The following ADPRH variants were observed in gnomAD, a reference collection of about 807,000 sequenced individuals.
The protein encoded by ADPRH is ADP-ribose-L-arginine cleaving enzyme.
ADPRH carries 27 observed loss-of-function variants against 28.8 expected under a neutral mutation model. The observed-to-expected ratio is 0.94, with a 90% CI of 0.69 to 1.29. The LOEUF is 1.29. ADPRH is among the 50% of genes most tolerant of loss of function. ADPRH has a pLI of 0.00. For synonymous variants in ADPRH, 161 were observed against 166.9 expected (o/e 0.96, Z 0.27); for missense variants, 419 against 444.8 (o/e 0.94, Z 0.52).
At chr3:119,584,280 C>T (rs897859136) in intron 3 of ADPRH, among the ~76,000 whole-genome samples, 14 of 151,506 alleles carry the variant, frequency 9.2e-5, no homozygotes, top group Non-Finnish European at 1.6e-4. Flanking sequence ...AAGAAAAATG[C>T]GGCTAGGCAT....
Position 119,586,343 on chromosome 3 carries a change from G to A in ADPRH, c.357G>A (p.Arg119=). ...AGCCGGGCAAGCCCAATGGCTGGAG[G>A]ATTCCCTTCAACAGCCATGAGGGCG... ...QLKPGKPNGW[R]IPFNSHEGGC... Residue 119 remains arginine (R), a synonymous_variant, in exon 4 of 5, where the codon AGG becomes AGA. Transcript: ENST00000357003. 6.2e-7 allele frequency: 1 copy of A among 1,614,138 alleles called. No individual in the cohort carries two copies. The highest frequency in any genetic ancestry group is 1.1e-5 in the South Asian group (1 of 91,076).
At chr3:119,585,311 C>T (rs955237478) in intron 3 of ADPRH, among the ~76,000 whole-genome samples, 22 of 152,296 alleles carry the variant, frequency 1.4e-4, no homozygotes, top group Admixed American at 1.1e-3. Context: ...TTGCTGCCAT[C>T]GCTTGGTTCG....
At chr3:119,583,427 T>G (rs1286655559) in intron 3 of ADPRH, among the ~76,000 whole-genome samples, 1 of 152,190 alleles carries the variant, frequency 6.6e-6, no homozygotes, top group South Asian at 2.1e-4. Flanking sequence ...ATTAGCCTGA[T>G]CATCCCACAT....
intron 3 of ADPRH, among the ~76,000 whole-genome samples, chr3:119,585,736 A>G (rs1401307863): frequency 6.6e-6 from 1 of 152,104 alleles, no homozygotes; most frequent in Non-Finnish European, 1.5e-5. Flanking sequence ...TTTTTAGTAG[A>G]GACGGAGTTT....
Position 119,587,728 on chromosome 3 carries a change from C to T in ADPRH, c.924C>T (p.Ala308=), listed in dbSNP as rs769618336. ...GTGGAGACAGTGATTCTACAGCTGC[C>T]ATTGCTGGCTGCTGGTGGGGAGTTA... ...FHGGDSDSTA[A]IAGCWWGVMY... The change falls in exon 5 of 5, where the codon GCC becomes GCT. Residue 308 remains alanine (A), a synonymous_variant. Transcript: ENST00000357003. 3 of 1,614,070 alleles carry T rather than the reference C, an allele frequency of 1.9e-6. No individual in the cohort carries two copies. In the East Asian group the frequency reaches 6.7e-5, roughly 36 times the overall value.
At chr3:119,586,162 A>T in intron 3 of ADPRH, 123 bp from the exon 4 acceptor site, 1 of 1,427,372 alleles carries the variant, frequency 7.0e-7, no homozygotes, top group Non-Finnish European at 9.7e-7. Flanking sequence ...GGCATGCATC[A>T]TCATATTTTT....
chr3:119,580,710 C>T (rs2082397557), intron 2 of ADPRH, 74 bp downstream of exon 2: 1 of 152,016 alleles, frequency 6.6e-6, no homozygotes, highest in Non-Finnish European at 1.5e-5. Flanking sequence ...TCTGCCAGAC[C>T]CTTATAAAAG....
At chr3:119,587,340 A>G in intron 4 of ADPRH, 124 bp from the exon 5 acceptor site, 1 of 648,896 alleles carries the variant, frequency 1.5e-6, no homozygotes, top group Non-Finnish European at 2.5e-6. Flanking sequence ...ATAGTTTATG[A>G]TATTACTGCA....
chr3:119,585,793 C>T (rs1487425309), intron 3 of ADPRH, among the ~76,000 whole-genome samples: 1 of 152,220 alleles, frequency 6.6e-6, no homozygotes, highest in Non-Finnish European at 1.5e-5. Flanking sequence ...TCGTGATCTG[C>T]CTGCCTCCAC....
chr3:119,589,049 CT>C lies in ADPRH; in HGVS notation c.*1172del, dbSNP rs1451008903. 1 of 152,252 alleles carries C rather than the reference CT, an allele frequency of 6.6e-6. No individual in the cohort carries two copies. Among genetic ancestry groups the C allele is most frequent in the Non-Finnish European group, 1.5e-5 (1 of 68,066 alleles). The allele number at this position is 152,252 out of a possible 1,614,324, so 9.4% of individuals were successfully genotyped here. A position where few individuals can be genotyped will look rare whatever the true frequency, so the allele number is the denominator to read the frequency against. ...GATGCTCTTCCCAATCCTTGTCTAC[CT>C]GATAATAAATTCTTACTTGTCCTTC... On this transcript the variant is annotated 3_prime_UTR_variant, in exon 5 of 5. Transcript: ENST00000357003.
At position 119,582,483 on chromosome 3, in the gene ADPRH, G is replaced by T; in HGVS notation, c.298+16G>T. 1 of 1,606,376 alleles carries T rather than the reference G, an allele frequency of 6.2e-7. No individual in the cohort carries two copies. ...CGGGCACCAGGTGAGCACAGCCGGT[G>T]GGAGGTGCAAGGAGGGCAAAGAATA... On this transcript the variant is annotated intron_variant, in intron 3 of 4. Transcript: ENST00000357003.
chr3:119,582,148 G>A lies in ADPRH; in HGVS notation c.-22G>A. On this transcript the variant is annotated 5_prime_UTR_variant, in exon 3 of 5. Coordinates refer to ENST00000357003, the MANE Select transcript of ADPRH (RefSeq NM_001125.4). The stretch of plus-strand genomic sequence containing the variant: ...TCCCCACAAAGACACCCTCTCCAGA[G>A]CCCAGCAATTGTGAGGGACTGATGG... The A allele has an allele frequency of 1.3e-6, 2 of 1,552,918 alleles. No individual in the cohort carries two copies. Among genetic ancestry groups the A allele is most frequent in the Non-Finnish European group, 1.8e-6 (2 of 1,142,324 alleles).
At position 119,586,289 on chromosome 3, in the gene ADPRH, T is replaced by C. The variant is rs1486800818; in HGVS notation, c.303T>C (p.Gly101=). 1.5e-5 allele frequency: 25 copies of C among 1,612,930 alleles called. No homozygotes were observed. Among genetic ancestry groups the C allele is most frequent in the Non-Finnish European group, 2.1e-5 (25 of 1,180,018 alleles). ...CCTTATCCGACTCTTCCCCAGGTGG[T>C]GCCTCGGTGCACAACGCCATGCAGC... ...MEDMDGRAPG[G]ASVHNAMQLK... Residue 101 remains glycine (G), a synonymous_variant, in exon 4 of 5, where the codon GGT becomes GGC. Transcript: ENST00000357003.
Position 119,587,975 on chromosome 3 carries a change from G to T in ADPRH, c.*97G>T. The T allele has an allele frequency of 7.3e-7, 1 of 1,362,878 alleles. No individual in the cohort carries two copies. The highest frequency in any genetic ancestry group is 2.5e-5 in the Admixed American group (1 of 40,606). The allele number at this position is 1,362,878 out of a possible 1,614,324, so 84.4% of individuals were successfully genotyped here. ...TTCCAAAGTCAAGAGTCTTAACCTT[G>T]TACTCAGGGAATTTTGAGATAACAA... On this transcript the variant is annotated 3_prime_UTR_variant, in exon 5 of 5. Coordinates refer to ENST00000357003, the MANE Select transcript of ADPRH (RefSeq NM_001125.4).
In ADPRH at chr3:119,586,434, A is replaced by G. The variant is rs1177416332; in HGVS notation, c.448A>G (p.Thr150Ala). ...LRFPHHSQLD[T>A]LIQVSIESGR... is the part of the protein sequence containing the mutation. ...GTTCCCACACCATAGCCAACTGGAC[A>G]CACTGATCCAAGTGAGCATCGAGAG... The change falls in exon 4 of 5, where the codon ACA (threonine) becomes GCA (alanine). Residue 150 changes from threonine to alanine, a missense_variant. By Grantham distance (58) the Thr-to-Ala change is moderately conservative (BLOSUM62 0). Transcript: ENST00000357003. 2 of 1,614,100 alleles carry G rather than the reference A, an allele frequency of 1.2e-6. No homozygotes were observed. Among genetic ancestry groups the G allele is most frequent in the Admixed American group, 1.7e-5 (1 of 60,006 alleles).
Position 119,583,705 on chromosome 3 carries a change from A to G in ADPRH, c.298+1238A>G, listed in dbSNP as rs566911235. ...GGTGAGAGGATTGCTTGAGTCCAGG[A>G]GTTTGAGACCAGCCTGGGCAACATA... On this transcript the variant is annotated intron_variant, in intron 3 of 4. Coordinates refer to ENST00000357003, the MANE Select transcript of ADPRH (RefSeq NM_001125.4). 8.4e-3 allele frequency among the ~76,000 whole-genome samples: 1,272 copies of G among 152,234 alleles called. 5 individuals carry two copies. The highest frequency in any genetic ancestry group is 0.014 in the Non-Finnish European group (976 of 68,012).
In ADPRH at chr3:119,586,646, G is replaced by A; in HGVS notation, c.659+1G>A. The A allele has an allele frequency of 6.2e-7, 1 of 1,613,208 alleles. No homozygotes were observed. ...TTGTAGAGGAAAATCTTCAACACTGGTGAGTCTGTAAGCGCACGCCCTGCT... is the reference window on the plus strand; with the variant it reads ...TTGTAGAGGAAAATCTTCAACACTGATGAGTCTGTAAGCGCACGCCCTGCT... On this transcript the variant is annotated splice_donor_variant, in intron 4 of 4. Transcript: ENST00000357003. LOFTEE classifies it high-confidence loss of function.
intron 2 of ADPRH, among the ~76,000 whole-genome samples, chr3:119,581,064 C>CTT (rs71156755): frequency 0.016 from 1,913 of 120,188 alleles, 69 homozygotes; most frequent in African/African-American, 0.031. Flanking sequence ...ACTCTAAGAA[C>CTT]TTTTTTTTTT....
In ADPRH at chr3:119,579,824, T is replaced by G. The variant is rs2107757384; in HGVS notation, c.-150T>G. ...CGGGAGCCCGCGCCACGCCCGTCGCTCGCGCGTTCCAGTCCAGGCTACAGC... is the reference window on the plus strand; with the variant it reads ...CGGGAGCCCGCGCCACGCCCGTCGCGCGCGCGTTCCAGTCCAGGCTACAGC... On this transcript the variant is annotated 5_prime_UTR_variant, in exon 1 of 5. Coordinates refer to ENST00000357003, the MANE Select transcript of ADPRH (RefSeq NM_001125.4). 6.5e-6 allele frequency: 1 copy of G among 152,898 alleles called. No homozygotes were observed. Among genetic ancestry groups the G allele is most frequent in the South Asian group, 2.1e-4 (1 of 4,848 alleles). 9.5% of individuals were successfully genotyped at this position (152,898 alleles called of 1,614,324 possible).
Sources: allele counts gnomAD v4.1 joint callset (sites outside exome capture counted in the v4.1 genomes callset), GRCh38; gene constraint gnomAD v4.1.1; transcripts MANE v1.5; gene names NCBI Gene and HGNC (gene_info 2026-07-23, HGNC 2026-07-21).